The following EPRS1 variants were observed in gnomAD, a reference collection of about 807,000 sequenced individuals.
EPRS1 encodes glutamyl-prolyl-tRNA synthetase 1.
Under a neutral mutation model 188.3 loss-of-function variants are expected in EPRS1, and 107 were observed. The observed-to-expected ratio is 0.57, with a 90% CI of 0.49 to 0.67. EPRS1 has a LOEUF of 0.67. EPRS1 is among the 30% of genes least tolerant of loss of function. The pLI is 0.00. For synonymous variants in EPRS1, 596 were observed against 593.1 expected, an observed-to-expected ratio of 1.00 and a Z score of -0.07; for missense variants, 1,577 against 1,802.2, an observed-to-expected ratio of 0.88 and a Z score of 2.26.
rs1003101121 is a variant in EPRS1, at chr1:219,981,397, T to C, written c.3434A>G (p.Asn1145Ser). The C allele has an allele frequency of 1.9e-6, 3 of 1,608,448 alleles. No homozygotes were observed. The highest frequency in any genetic ancestry group is 1.1e-5 in the South Asian group (1 of 90,154). ...QSHRDLPIKL[N>S]QWCNVVRWEF... ...ACCTACCACCACATTGCACCACTGA[T>C]TGAGCTTGATGGGCAGGTCTCTGTG... The change falls in exon 24 of 32, where the codon AAT becomes AGT. Residue 1145 changes from asparagine to serine, a missense_variant. Around this residue, in one of 3 missense-constraint regions of EPRS1, gnomAD observed 1,278 missense variants for 1,457.4 expected, o/e 0.88. Transcript: ENST00000366923.
chr1:220,046,234 T>A, intron 1 of EPRS1, 109 bp downstream of exon 1: 4 of 1,353,866 alleles, frequency 3.0e-6, no homozygotes, highest in Non-Finnish European at 3.1e-6. Context: ...AGGTCCAACA[T>A]CCCAGATGGT....
At chr1:220,002,759 C>T (rs1214161644) in intron 16 of EPRS1, among the ~76,000 whole-genome samples, 1 of 152,044 alleles carries the variant, frequency 6.6e-6, no homozygotes, top group Non-Finnish European at 1.5e-5. Context: ...ACTCAGGAGA[C>T]TGAGGTGGGA....
intron 12 of EPRS1, 34 bp downstream of exon 12, chr1:220,018,415 A>G (rs773129449): frequency 6.6e-7 from 1 of 1,508,778 alleles, no homozygotes; most frequent in Non-Finnish European, 9.2e-7. Context: ...GGACTTAAGC[A>G]TGAGAAAAGA....
chr1:220,005,263 G>A lies in EPRS1; in HGVS notation c.2048C>T (p.Pro683Leu), dbSNP rs1008165582. ...QRRGFFICDQ[P>L]YEPVSPYSCK... is the part of the protein sequence containing the mutation. ...ATTTACTTACCTAACAGGTTCATAA[G>A]GTTGATCACATATGAAGAATCCTCT... Residue 683 changes from proline (P) to leucine (L), a missense_variant, in exon 16 of 32, where the codon CCT (proline) becomes CTT (leucine). Transcript: ENST00000366923. 1.3e-6 allele frequency: 2 copies of A among 1,530,432 alleles called. No individual in the cohort carries two copies. The highest frequency in any genetic ancestry group is 1.8e-5 in the Admixed American group (1 of 54,220). 94.8% of individuals were successfully genotyped at this position (1,530,432 alleles called of 1,614,324 possible).
intron 18 of EPRS1, among the ~76,000 whole-genome samples, chr1:219,990,120 C>T (rs1251235010): frequency 1.5e-5 from 2 of 135,770 alleles, no homozygotes; most frequent in African/African-American, 5.7e-5. Context: ...ACTTTTCACA[C>T]GGAAAAAAAA....
chr1:220,007,643 T>C (rs904159899), intron 13 of EPRS1, among the ~76,000 whole-genome samples: 4 of 152,236 alleles, frequency 2.6e-5, no homozygotes, highest in African/African-American at 9.6e-5. Flanking sequence ...CTAATGTTAA[T>C]GGAATTAGAT....
chr1:220,019,758 A>G (rs1321043564), intron 10 of EPRS1, among the ~76,000 whole-genome samples: 1 of 152,146 alleles, frequency 6.6e-6, no homozygotes, highest in Non-Finnish European at 1.5e-5. Flanking sequence ...ATGTGCCCTC[A>G]TGTGTGTTTT....
intron 5 of EPRS1, 84 bp downstream of exon 5, chr1:220,032,303 G>T: frequency 1.9e-6 from 2 of 1,062,496 alleles, no homozygotes; most frequent in Non-Finnish European, 2.7e-6. Flanking sequence ...ATTCAGGATG[G>T]TCTCAATCTC....
intron 12 of EPRS1, among the ~76,000 whole-genome samples, chr1:220,012,449 T>C (rs946693638): frequency 6.6e-6 from 1 of 152,212 alleles, no homozygotes; most frequent in Non-Finnish European, 1.5e-5. Context: ...ATGTTTCCTA[T>C]ACTTGACTAA....
intron 6 of EPRS1, among the ~76,000 whole-genome samples, chr1:220,027,442 A>G (rs952363531): frequency 2.7e-5 from 3 of 112,662 alleles, no homozygotes; most frequent in Non-Finnish European, 3.9e-5. Flanking sequence ...AAAAAAAAAA[A>G]TTATCTGGGC....
At chr1:219,984,401 C>T in intron 20 of EPRS1, 144 bp from the exon 21 acceptor site, 1 of 661,958 alleles carries the variant, frequency 1.5e-6, no homozygotes, top group East Asian at 2.7e-5. Flanking sequence ...TATATTCATT[C>T]CCAAGATAAC....
chr1:219,985,541 T>C (rs1342656460), intron 20 of EPRS1, among the ~76,000 whole-genome samples: 1 of 152,042 alleles, frequency 6.6e-6, no homozygotes, highest in Non-Finnish European at 1.5e-5. Context: ...TAGCTGGGAT[T>C]ACAGGTGTGT....
chr1:219,990,138 A>AC (rs1289154500), intron 18 of EPRS1, among the ~76,000 whole-genome samples: 1 of 151,324 alleles, frequency 6.6e-6, no homozygotes, highest in Non-Finnish European at 1.5e-5. Context: ...AAAAAAAAAA[A>AC]CCCCGTTCGC....
chr1:220,018,175 T>C, intron 12 of EPRS1: 1 of 1,403,620 alleles, frequency 7.1e-7, no homozygotes, highest in Non-Finnish European at 9.4e-7. Context: ...AAATGCAGAG[T>C]GTTCATAAAA....
Position 219,972,147 on chromosome 1 carries a change from C to G in EPRS1, c.4245G>C (p.Arg1415Ser). The G allele has an allele frequency of 1.9e-6, 3 of 1,552,740 alleles. No homozygotes were observed. The highest frequency in any genetic ancestry group is 2.6e-6 in the Non-Finnish European group (3 of 1,146,808). The change falls in exon 30 of 32, where the codon AGG becomes AGC. Residue 1415 changes from arginine (R) to serine (S), a missense_variant and splice_region_variant. Transcript: ENST00000366923. The stretch of plus-strand genomic sequence containing the variant: ...TATGAGTCTTAAGGTCTTCAGAAGC[C>G]CTACCAAACAAAATTAGAAAACAAT... ...LEDIQVTLFT[R>S]ASEDLKTHMV... is the part of the protein sequence containing the mutation.
At chr1:219,992,389 G>A (rs748377189) in intron 18 of EPRS1, among the ~76,000 whole-genome samples, 1 of 152,134 alleles carries the variant, frequency 6.6e-6, no homozygotes, top group Non-Finnish European at 1.5e-5. Flanking sequence ...CAAAACAATT[G>A]TGAATTATTT....
At position 220,006,305 on chromosome 1, in the gene EPRS1, T is replaced by C. The variant is rs768750497; in HGVS notation, c.1751A>G (p.Asp584Gly). 2.7e-5 allele frequency: 41 copies of C among 1,539,398 alleles called. No individual in the cohort carries two copies. Among genetic ancestry groups the C allele is most frequent in the Non-Finnish European group, 3.2e-5 (36 of 1,132,542 alleles). Residue 584 changes from aspartate to glycine, a missense_variant, in exon 15 of 32, where the codon GAT (aspartate) becomes GGT (glycine). Physicochemically the swap from Asp to Gly is moderately conservative, Grantham distance 94. This residue lies in a region of EPRS1 where 1,278 missense variants were observed against 1,457.4 expected (regional missense o/e 0.88). Transcript: ENST00000366923. ...LNITKIHKNA[D>G]GKIISLDAKL... ...TGCATCAAGAGATATGATTTTTCCA[T>C]CTGCATTTCTAGATATAAGATTAAA...
Position 219,997,052 on chromosome 1 carries a change from T to G in EPRS1, c.2472A>C (p.Lys824Asn). The G allele has an allele frequency of 3.1e-6, 5 of 1,613,836 alleles. No individual in the cohort carries two copies. Among genetic ancestry groups the G allele is most frequent in the Non-Finnish European group, 2.5e-6 (3 of 1,179,914 alleles). ...SNSSASILES[K>N]SLYDEVAAQG... ...GTGCAGCAACTTCATCATACAGAGA[T>G]TTACTTTCCAGAATACTTGCTGAGG... Residue 824 changes from lysine to asparagine, a missense_variant, in exon 18 of 32, where the codon AAA becomes AAC. By Grantham distance (94) the Lys-to-Asn change is moderately conservative (BLOSUM62 0). Coordinates refer to ENST00000366923, the MANE Select transcript of EPRS1 (RefSeq NM_004446.3).
chr1:219,975,590 C>A (rs1193254309), intron 28 of EPRS1, among the ~76,000 whole-genome samples: 2 of 152,078 alleles, frequency 1.3e-5, no homozygotes, highest in African/African-American at 4.8e-5. Context: ...GCACCCACCA[C>A]AAAGCCCATC....
Sources: allele counts gnomAD v4.1 joint callset (sites outside exome capture counted in the v4.1 genomes callset), GRCh38; gene constraint gnomAD v4.1.1; regional missense constraint gnomAD v4.1.1; transcripts MANE v1.5; gene names NCBI Gene and HGNC (gene_info 2026-07-23, HGNC 2026-07-21).